The following TPD52 variants were observed in gnomAD, a reference collection of about 807,000 sequenced individuals.
The protein encoded by TPD52 is tumor protein D52, also known as prostate and colon associated protein.
TPD52 carries 17 observed loss-of-function variants against 31.3 expected under a neutral mutation model. That is an observed-to-expected ratio of 0.54 (90% CI 0.37 to 0.82). The LOEUF (loss-of-function observed/expected upper bound fraction) is 0.82. TPD52 is among the 40% of genes least tolerant of loss of function. The pLI is 0.00. For synonymous variants in TPD52, 83 were observed against 89.6 expected (o/e 0.93, Z 0.42); for missense variants, 212 against 240.1 (o/e 0.88, Z 0.77).
chr8:80,170,930 C>G (rs1666239331), intron 1 of TPD52: 1 of 337,752 alleles, frequency 3.0e-6, no homozygotes, highest in African/African-American at 2.2e-5. Context: ...CCCAAACCCC[C>G]CATGGGTCAT....
At chr8:80,075,142 G>A (rs1034616369) in intron 1 of TPD52, among the ~76,000 whole-genome samples, 1 of 152,040 alleles carries the variant, frequency 6.6e-6, no homozygotes, top group Non-Finnish European at 1.5e-5. Context: ...ACCATACCTG[G>A]CTAATTTTTC....
At chr8:80,171,272 T>C (rs1449889725) in intron 1 of TPD52, 153 bp downstream of exon 1, 2 of 991,526 alleles carry the variant, frequency 2.0e-6, no homozygotes, top group Non-Finnish European at 3.1e-6. Flanking sequence ...GGATGCCAGA[T>C]CCGGATCCGG....
chr8:80,053,098 G>A, intron 3 of TPD52, 184 bp downstream of exon 3: 1 of 533,886 alleles, frequency 1.9e-6, no homozygotes, highest in East Asian at 3.3e-5. Flanking sequence ...AGAATAAGTG[G>A]TCTGGAAAAA....
chr8:80,148,586 T>C (rs1448995532), intron 1 of TPD52, among the ~76,000 whole-genome samples: 1 of 152,212 alleles, frequency 6.6e-6, no homozygotes, highest in Non-Finnish European at 1.5e-5. Context: ...TTTTTAATTC[T>C]TTAACTTTCT....
At chr8:80,072,877 T>C (rs1586229469) in intron 1 of TPD52, among the ~76,000 whole-genome samples, 1 of 151,294 alleles carries the variant, frequency 6.6e-6, no homozygotes, top group Non-Finnish European at 1.5e-5. Context: ...CCGAGGCAGG[T>C]GGATCACTTG....
intron 1 of TPD52, among the ~76,000 whole-genome samples, chr8:80,120,772 C>G (rs1173137542): frequency 3.9e-5 from 6 of 152,078 alleles, no homozygotes; most frequent in African/African-American, 7.2e-5. Flanking sequence ...AGATAATATT[C>G]ATTTGTCATT....
At chr8:80,050,174 T>C (rs1022447739) in intron 5 of TPD52, among the ~76,000 whole-genome samples, 3 of 152,178 alleles carry the variant, frequency 2.0e-5, no homozygotes, top group Admixed American at 1.3e-4. Context: ...TGCTTCTTTT[T>C]ACCAAAGAAA....
intron 1 of TPD52, among the ~76,000 whole-genome samples, chr8:80,094,177 G>A: frequency 6.6e-6 from 1 of 151,890 alleles, no homozygotes. Context: ...GATGGAAAGA[G>A]AGCATGGGAT....
chr8:80,096,374 G>A (rs1816743705), intron 1 of TPD52, among the ~76,000 whole-genome samples: 1 of 151,798 alleles, frequency 6.6e-6, no homozygotes, highest in South Asian at 2.1e-4. Context: ...TCATCTGCTT[G>A]GACTATGGTC....
chr8:80,079,964 G>A (rs1305029679), intron 1 of TPD52, among the ~76,000 whole-genome samples: 6 of 152,168 alleles, frequency 3.9e-5, no homozygotes, highest in African/African-American at 1.4e-4. Context: ...AATCGGGAAA[G>A]TTGTCGTAAA....
chr8:80,130,631 T>G (rs1169245432), intron 1 of TPD52, among the ~76,000 whole-genome samples: 3 of 152,198 alleles, frequency 2.0e-5, no homozygotes, highest in Non-Finnish European at 4.4e-5. Context: ...AACAAGATAC[T>G]AGAAAATATA....
intron 1 of TPD52, among the ~76,000 whole-genome samples, chr8:80,111,001 T>C (rs1435986919): frequency 2.6e-5 from 4 of 151,394 alleles, no homozygotes; most frequent in Non-Finnish European, 5.9e-5. Context: ...AGGCCAGGAG[T>C]TCAAGATTAG....
At chr8:80,124,279 C>A (rs557098067) in intron 1 of TPD52, among the ~76,000 whole-genome samples, 1 of 152,238 alleles carries the variant, frequency 6.6e-6, no homozygotes, top group African/African-American at 2.4e-5. Context: ...GATCCTCCTA[C>A]CTCAGCTTCC....
intron 1 of TPD52, among the ~76,000 whole-genome samples, chr8:80,086,919 C>G (rs75091881): frequency 0.2 from 27,385 of 138,966 alleles, 2,899 homozygotes; most frequent in South Asian, 0.31. Flanking sequence ...ATCAAATTTA[C>G]TGACGTTGAC....
intron 1 of TPD52, among the ~76,000 whole-genome samples, chr8:80,130,180 A>C (rs1808924945): frequency 6.6e-6 from 1 of 152,006 alleles, no homozygotes; most frequent in South Asian, 2.1e-4. Context: ...AAGTTTTGCA[A>C]GTTTGGAATA....
At chr8:80,136,421 G>A (rs1304910850) in intron 1 of TPD52, among the ~76,000 whole-genome samples, 1 of 150,372 alleles carries the variant, frequency 6.7e-6, no homozygotes, top group Non-Finnish European at 1.5e-5. Context: ...CTACTCAGGA[G>A]GCTGAGGCAG....
intron 1 of TPD52, among the ~76,000 whole-genome samples, chr8:80,151,683 T>C (rs1020352392): frequency 1.3e-5 from 2 of 152,254 alleles, no homozygotes; most frequent in African/African-American, 4.8e-5. Flanking sequence ...TAACTTGTTG[T>C]TAACCAATCA....
At chr8:80,088,584 T>C (rs1436449056) in intron 1 of TPD52, among the ~76,000 whole-genome samples, 1 of 152,102 alleles carries the variant, frequency 6.6e-6, no homozygotes, top group Non-Finnish European at 1.5e-5. Context: ...TGTCTGAAGC[T>C]GGACTGCCGA....
At chr8:80,100,143 C>G (rs1806630493) in intron 1 of TPD52, among the ~76,000 whole-genome samples, 1 of 152,170 alleles carries the variant, frequency 6.6e-6, no homozygotes, top group African/African-American at 2.4e-5. Flanking sequence ...AGATAATCCT[C>G]TGGGGAAATC....
Sources: allele counts gnomAD v4.1 joint callset (sites outside exome capture counted in the v4.1 genomes callset), GRCh38; gene constraint gnomAD v4.1.1; transcripts MANE v1.5; gene names NCBI Gene and HGNC (gene_info 2026-07-23, HGNC 2026-07-21).